The following TEKT3 variants were observed in gnomAD, a reference collection of about 807,000 sequenced individuals.
TEKT3 encodes the protein tektin 3, also known as tektin-3.
Under a neutral mutation model 49.8 loss-of-function variants are expected in TEKT3, and 49 were observed. The ratio of observed to expected loss-of-function variants is 0.98; its 90% CI spans 0.78 to 1.25. TEKT3 has a LOEUF of 1.25. Among genes scored for constraint, TEKT3 ranks in the 50% most tolerant of loss-of-function variants. The pLI is 0.00. For missense variants in TEKT3, 595 were observed against 629.5 expected, an observed-to-expected ratio of 0.95 and a Z score of 0.59; for synonymous variants, 225 against 237.2, an observed-to-expected ratio of 0.95 and a Z score of 0.47.
At chr17:15,316,862 G>A (rs1438476884) in intron 5 of TEKT3, among the ~76,000 whole-genome samples, 1 of 152,204 alleles carries the variant, frequency 6.6e-6, no homozygotes, top group Admixed American at 6.5e-5. Context: ...AACTGGGGCT[G>A]CCTGGACACC....
chr17:15,326,653 C>A (rs1346142434), intron 4 of TEKT3, among the ~76,000 whole-genome samples: 2 of 152,074 alleles, frequency 1.3e-5, no homozygotes, highest in Non-Finnish European at 2.9e-5. Flanking sequence ...ATAGGCTAAG[C>A]AGGCTTTATG....
chr17:15,312,082 C>G (rs543928867), intron 7 of TEKT3, among the ~76,000 whole-genome samples, 177 bp downstream of exon 7: 66 of 152,246 alleles, frequency 4.3e-4, no homozygotes, highest in African/African-American at 1.5e-3. Flanking sequence ...ATTTTGACAC[C>G]TGGCTACCTG....
chr17:15,309,659 C>T (rs1910688956), intron 7 of TEKT3, among the ~76,000 whole-genome samples: 1 of 152,080 alleles, frequency 6.6e-6, no homozygotes, highest in Non-Finnish European at 1.5e-5. Flanking sequence ...GTTTTTACCA[C>T]CACTCTCCCA....
chr17:15,331,845 G>T (rs16951380), intron 2 of TEKT3, among the ~76,000 whole-genome samples: 10,219 of 151,852 alleles, frequency 0.067, 774 homozygotes, highest in African/African-American at 0.19. Flanking sequence ...TTGGCCATTT[G>T]GACTTTTGAA....
chr17:15,332,889 T>C (rs1207137046), intron 2 of TEKT3, among the ~76,000 whole-genome samples: 1 of 152,216 alleles, frequency 6.6e-6, no homozygotes, highest in East Asian at 1.9e-4. Flanking sequence ...TCCAGATTTT[T>C]CCTATTCATA....
intron 5 of TEKT3, among the ~76,000 whole-genome samples, chr17:15,317,220 A>G (rs1911049312): frequency 6.6e-6 from 1 of 152,176 alleles, no homozygotes; most frequent in South Asian, 2.1e-4. Context: ...AAACACACAG[A>G]ACTTTCTGCA....
At chr17:15,330,037 C>T (rs1911655150) in intron 3 of TEKT3, among the ~76,000 whole-genome samples, 1 of 152,068 alleles carries the variant, frequency 6.6e-6, no homozygotes, top group South Asian at 2.1e-4. Flanking sequence ...GGTCAGAGGC[C>T]AGTAACCAAC....
At chr17:15,332,235 T>C (rs725341) in intron 2 of TEKT3, among the ~76,000 whole-genome samples, 46,176 of 152,018 alleles carry the variant, frequency 0.3, 7,573 homozygotes, top group African/African-American at 0.41. Flanking sequence ...CAAACCATGA[T>C]AGACTAATAA....
At chr17:15,308,874 G>A (rs1042513157) in intron 7 of TEKT3, 56 bp from the exon 8 acceptor site, 43 of 1,586,164 alleles carry the variant, frequency 2.7e-5, no homozygotes, top group Middle Eastern at 1.8e-4. Flanking sequence ...TCAACAACCC[G>A]CCTCCCACCT....
intron 3 of TEKT3, among the ~76,000 whole-genome samples, chr17:15,329,111 T>C (rs1911607633): frequency 6.6e-6 from 1 of 152,216 alleles, no homozygotes; most frequent in Admixed American, 6.5e-5. Flanking sequence ...AAAGTGCCCA[T>C]TTGCTGCTCT....
chr17:15,331,856 T>C (rs947051662), intron 2 of TEKT3, among the ~76,000 whole-genome samples: 3 of 152,232 alleles, frequency 2.0e-5, no homozygotes, highest in Non-Finnish European at 4.4e-5. Context: ...GACTTTTGAA[T>C]TTTTGTGAAA....
intron 8 of TEKT3, among the ~76,000 whole-genome samples, chr17:15,307,427 C>G (rs1910598035): frequency 2.0e-5 from 3 of 152,230 alleles, no homozygotes; most frequent in Admixed American, 1.3e-4. Context: ...AGTTTCCTCA[C>G]TTGTAATATG....
At chr17:15,326,107 G>A (rs1173023571) in intron 4 of TEKT3, among the ~76,000 whole-genome samples, 1 of 152,126 alleles carries the variant, frequency 6.6e-6, no homozygotes, top group Non-Finnish European at 1.5e-5. Context: ...AAGTCTGCTT[G>A]TCATCTTTAA....
chr17:15,325,490 C>T (rs906354924), intron 4 of TEKT3, among the ~76,000 whole-genome samples: 3 of 152,004 alleles, frequency 2.0e-5, no homozygotes, highest in Admixed American at 6.5e-5. Flanking sequence ...ATTAAGATTA[C>T]CTGGGGGATA....
At chr17:15,326,140 G>T (rs1015098330) in intron 4 of TEKT3, among the ~76,000 whole-genome samples, 2 of 152,170 alleles carry the variant, frequency 1.3e-5, no homozygotes, top group African/African-American at 4.8e-5. Flanking sequence ...CTAAGAAAAT[G>T]TAAGTGATGT....
At chr17:15,308,854 T>A (rs909370569) in intron 7 of TEKT3, 36 bp from the exon 8 acceptor site, 37 of 1,601,528 alleles carry the variant, frequency 2.3e-5, no homozygotes, top group Non-Finnish European at 3.2e-5. Flanking sequence ...GAGGCTTTGG[T>A]GTGGTCCCTT....
chr17:15,323,459 T>A (rs1031377055), intron 4 of TEKT3, among the ~76,000 whole-genome samples: 9 of 152,042 alleles, frequency 5.9e-5, no homozygotes, highest in African/African-American at 2.2e-4. Context: ...GTCAGTACGG[T>A]CTGGGAGTGC....
At chr17:15,342,537 G>A (rs2068003), upstream of TEKT3, among the ~76,000 whole-genome samples, 307 of 152,312 alleles carry the variant, frequency 2.0e-3, 1 homozygote, top group African/African-American at 6.9e-3. Context: ...CCAGCCCCTA[G>A]GAGACCTCAA....
intron 5 of TEKT3, among the ~76,000 whole-genome samples, chr17:15,317,881 T>G (rs1281436146): frequency 6.6e-6 from 1 of 151,434 alleles, no homozygotes; most frequent in Non-Finnish European, 1.5e-5. Context: ...CCTGGAAGAA[T>G]GTGTATTCTA....
Sources: gnomAD v4.1 joint callset for allele counts (sites outside exome capture counted in the v4.1 genomes callset) on GRCh38, gnomAD v4.1.1 for gene constraint, MANE v1.5 for transcripts, NCBI Gene and HGNC (gene_info 2026-07-23, HGNC 2026-07-21) for gene names.